Variants in RPS6KA2 observed in about 807,000 individuals in gnomAD.
RPS6KA2 encodes ribosomal protein S6 kinase alpha-2.
A neutral mutation model predicts 91.8 loss-of-function variants in RPS6KA2; 42 were observed. The ratio of observed to expected loss-of-function variants is 0.46; its 90% CI spans 0.36 to 0.59. RPS6KA2 has a LOEUF of 0.59. Among genes scored for constraint, RPS6KA2 ranks in the 20% least tolerant of loss-of-function variants. The pLI is 0.00. For missense variants in RPS6KA2, 798 were observed against 978.5 expected (o/e 0.82, Z 2.46); for synonymous variants, 414 against 393.6 (o/e 1.05, Z -0.61).
intron 2 of RPS6KA2, among the ~76,000 whole-genome samples, chr6:166,832,124 C>G (rs983556051): frequency 4.0e-5 from 6 of 151,636 alleles, no homozygotes; most frequent in African/African-American, 1.2e-4. Flanking sequence ...ATGTTATGAC[C>G]GAGGAAGAAT....
At position 166,557,992 on chromosome 6, in the gene RPS6KA2, A is replaced by G. The variant is rs1032821690; in HGVS notation, c.100-19208T>C. Among the ~76,000 whole-genome samples the G allele has an allele frequency of 5.4e-5, 8 of 148,904 alleles. No homozygotes were observed. Among genetic ancestry groups the G allele is most frequent in the East Asian group, 2.1e-4 (1 of 4,780 alleles). ...TACAGAGGGGTGTGTGTGTGTGTGT[A>G]TATATGTATGTGTATATATAGGTGT... is the stretch of plus-strand genomic sequence containing the variant. On this transcript the variant is annotated intron_variant, in intron 1 of 20. Coordinates refer to ENST00000265678, the MANE Select transcript of RPS6KA2 (RefSeq NM_021135.6). This position sits in a 1 kb window ranked among gnomAD's most constrained non-coding sequence, Gnocchi z 4.8.
chr6:166,624,235 A>G (rs113399417), intron 1 of RPS6KA2, among the ~76,000 whole-genome samples: 1 of 152,390 alleles, frequency 6.6e-6, no homozygotes, highest in African/African-American at 2.4e-5. Context: ...AATTTCAAAT[A>G]ACAAAAATTT....
chr6:166,678,605 T>C (rs1788685463), intron 2 of RPS6KA2, among the ~76,000 whole-genome samples: 1 of 152,258 alleles, frequency 6.6e-6, no homozygotes, highest in Admixed American at 6.5e-5. Flanking sequence ...CGTTTACGTC[T>C]ACTTACAGTT....
rs145017602 is a variant in RPS6KA2 at position 166,662,753 on chromosome 6, A to C, written c.124-123969T>G. 2.8e-3 allele frequency among the ~76,000 whole-genome samples: 419 copies of C among 152,284 alleles called. 2 individuals are homozygous for C. Among genetic ancestry groups the C allele is most frequent in the African/African-American group, 9.8e-3 (408 of 41,558 alleles). On this transcript the variant is annotated intron_variant, in intron 2 of 21. Coordinates refer to the RPS6KA2 transcript ENST00000503859. This position sits in a 1 kb window ranked among gnomAD's most constrained non-coding sequence, Gnocchi z 4.3. ...ACTGAATTGTGTGCTCTCCAAATTC[A>C]TATGTTGAAGTCCTAACCTCTGGTA...
At chr6:166,458,001 ATG>A (rs1260065933) in intron 12 of RPS6KA2, among the ~76,000 whole-genome samples, 1 of 152,216 alleles carries the variant, frequency 6.6e-6, no homozygotes, top group Non-Finnish European at 1.5e-5. Flanking sequence ...TGTCCCACTT[ATG>A]TCTACAGAAG....
At chr6:166,548,814 C>T (rs1437804861) in intron 1 of RPS6KA2, among the ~76,000 whole-genome samples, 1 of 152,070 alleles carries the variant, frequency 6.6e-6, no homozygotes, top group East Asian at 1.9e-4. Context: ...CATGATTCAT[C>T]AAAGAAAAAA....
upstream of RPS6KA2, among the ~76,000 whole-genome samples, chr6:166,628,839 T>C (rs3814088): frequency 1.3e-5 from 2 of 152,252 alleles, no homozygotes; most frequent in Non-Finnish European, 2.9e-5. Flanking sequence ...ATTTAAATAG[T>C]GCAATTGATT....
At chr6:166,595,576 C>T (rs1476002945) in intron 1 of RPS6KA2, among the ~76,000 whole-genome samples, 1 of 152,222 alleles carries the variant, frequency 6.6e-6, no homozygotes, top group Non-Finnish European at 1.5e-5. Context: ...GCAGTCACAG[C>T]TGGTTCTATT....
rs1397168313 is a variant in RPS6KA2, at chr6:166,612,788, A to C, written c.99+14133T>G. Among the ~76,000 whole-genome samples, 1 of 151,542 alleles carries C rather than the reference A, an allele frequency of 6.6e-6. No individual in the cohort carries two copies. The highest frequency in any genetic ancestry group is 1.5e-5 in the Non-Finnish European group (1 of 67,912). ...TTCCCAAGTGGCCACTGCCAAATTT[A>C]CTCCACATCAGCCTCTCTCTCTCCA... On this transcript the variant is annotated intron_variant, in intron 1 of 20. Transcript: ENST00000265678. This position sits in a 1 kb window ranked among gnomAD's most constrained non-coding sequence, Gnocchi z 4.3.
chr6:166,711,360 A>T (rs999453690), intron 2 of RPS6KA2, among the ~76,000 whole-genome samples: 4 of 147,856 alleles, frequency 2.7e-5, no homozygotes, highest in African/African-American at 1.0e-4. Context: ...GTTCCAATTT[A>T]AAAAAAAATC....
chr6:166,837,715 C>A (rs559543160), intron 2 of RPS6KA2, among the ~76,000 whole-genome samples: 1 of 152,346 alleles, frequency 6.6e-6, no homozygotes, highest in South Asian at 2.1e-4. Context: ...GCTCCCCACC[C>A]TTCAGGCTGC....
At chr6:166,532,728 A>G (rs1410693721) in intron 2 of RPS6KA2, among the ~76,000 whole-genome samples, 3 of 152,206 alleles carry the variant, frequency 2.0e-5, no homozygotes, top group Non-Finnish European at 1.5e-5. Context: ...GGTCCCAAGA[A>G]GTCACAGGCA....
intron 1 of RPS6KA2, among the ~76,000 whole-genome samples, chr6:166,567,489 G>C (rs1445362089): frequency 6.6e-6 from 1 of 152,200 alleles, no homozygotes; most frequent in Non-Finnish European, 1.5e-5. Flanking sequence ...TAATTTCCCA[G>C]GGATCTAATT....
chr6:166,482,649 G>C (rs1361104676), intron 10 of RPS6KA2, among the ~76,000 whole-genome samples: 1 of 152,236 alleles, frequency 6.6e-6, no homozygotes, highest in Non-Finnish European at 1.5e-5. Flanking sequence ...GAGGAAACGA[G>C]TGTGACCCTC....
At position 166,418,243 on chromosome 6, in the gene RPS6KA2, C is replaced by T. The variant is rs144777715; in HGVS notation, c.1920G>A (p.Ser640=). Residue 640 remains serine, a synonymous_variant, in exon 19 of 21, where the codon TCG becomes TCA. Coordinates refer to ENST00000265678, the MANE Select transcript of RPS6KA2 (RefSeq NM_021135.6). The surrounding 1 kb of genome is among the most constrained non-coding windows in gnomAD (Gnocchi z 4.9). ...KYALSGGNWD[S]ISDAAKDVVS... Reference sequence around the variant, plus strand: ...TACTCACTTTAGCTGCGTCAGATATCGAGTCCCAGTTTCCCCCAGAAAGGG... The same window carrying T: ...TACTCACTTTAGCTGCGTCAGATATTGAGTCCCAGTTTCCCCCAGAAAGGG... 105 of 1,610,482 alleles carry T rather than the reference C, an allele frequency of 6.5e-5. No individual in the cohort carries two copies. Among genetic ancestry groups the T allele is most frequent in the Middle Eastern group, 1.6e-4 (1 of 6,078 alleles).
At chr6:166,801,576 GC>G (rs1779368282) in intron 2 of RPS6KA2, among the ~76,000 whole-genome samples, 1 of 152,104 alleles carries the variant, frequency 6.6e-6, no homozygotes, top group African/African-American at 2.4e-5. Context: ...CCAACTCCTG[GC>G]CCCAAATGTT....
chr6:166,611,639 T>C (rs1371210172), intron 1 of RPS6KA2, among the ~76,000 whole-genome samples: 1 of 152,226 alleles, frequency 6.6e-6, no homozygotes, highest in Non-Finnish European at 1.5e-5. Context: ...AACTGAAATA[T>C]CTCAAGGTAA....
At chr6:166,572,547 G>A (rs1365838210) in intron 1 of RPS6KA2, among the ~76,000 whole-genome samples, 3 of 152,248 alleles carry the variant, frequency 2.0e-5, no homozygotes, top group Non-Finnish European at 4.4e-5. Context: ...CTAGGATGAT[G>A]TTCTCACATA....
At chr6:166,724,638 C>T (rs1790282910) in intron 2 of RPS6KA2, among the ~76,000 whole-genome samples, 1 of 152,202 alleles carries the variant, frequency 6.6e-6, no homozygotes, top group Admixed American at 6.5e-5. Context: ...CATACGTCAC[C>T]GCACAGGTCC....
Sources: allele counts gnomAD v4.1 joint callset (sites outside exome capture counted in the v4.1 genomes callset), GRCh38; gene constraint gnomAD v4.1.1; non-coding constraint Gnocchi (gnomAD v3.1); transcripts MANE v1.5; gene names NCBI Gene and HGNC (gene_info 2026-07-23, HGNC 2026-07-21).